The following SORCS1 variants were observed in gnomAD, a reference collection of about 807,000 sequenced individuals.
SORCS1 encodes sortilin related VPS10 domain containing receptor 1, also known as VPS10 domain-containing receptor SorCS1.
A neutral mutation model predicts 146.1 loss-of-function variants in SORCS1; 60 were observed. The ratio of observed to expected loss-of-function variants is 0.41; its 90% CI spans 0.33 to 0.51. The LOEUF (loss-of-function observed/expected upper bound fraction) is 0.51. SORCS1 is among the 20% of genes least tolerant of loss of function. The pLI is 0.21. For missense variants in SORCS1, 1,352 were observed against 1,487.6 expected (o/e 0.91, Z 1.50); for synonymous variants, 637 against 584.0 (o/e 1.09, Z -1.31).
At chr10:106,806,046 C>G (rs1379616171) in intron 3 of SORCS1, among the ~76,000 whole-genome samples, 1 of 116,064 alleles carries the variant, frequency 8.6e-6, no homozygotes, top group African/African-American at 3.5e-5. Flanking sequence ...GACGACAGAA[C>G]TAGACTCCGT....
chr10:107,111,298 GA>G (rs1965681692), intron 1 of SORCS1, among the ~76,000 whole-genome samples: 1 of 152,000 alleles, frequency 6.6e-6, no homozygotes, highest in Admixed American at 6.6e-5. Flanking sequence ...TGAAATGTAA[GA>G]AAACATAGAC....
At chr10:106,853,434 G>A (rs899879555) in intron 2 of SORCS1, among the ~76,000 whole-genome samples, 14 of 147,976 alleles carry the variant, frequency 9.5e-5, no homozygotes, top group Admixed American at 3.4e-4. Context: ...TTTTGGTTTT[G>A]TTGATTATCT....
At chr10:107,027,475 G>A (rs772243983) in intron 1 of SORCS1, among the ~76,000 whole-genome samples, 21 of 152,176 alleles carry the variant, frequency 1.4e-4, no homozygotes, top group Non-Finnish European at 1.9e-4. Context: ...GTAACTCAGC[G>A]TGGCAGCGTG....
At chr10:107,151,403 G>A (rs1373305246) in intron 1 of SORCS1, among the ~76,000 whole-genome samples, 1 of 152,160 alleles carries the variant, frequency 6.6e-6, no homozygotes, top group Non-Finnish European at 1.5e-5. Context: ...CTGAGACTGG[G>A]AAGAAAAAGA....
chr10:106,621,103 G>T (rs1170547920), intron 19 of SORCS1, among the ~76,000 whole-genome samples: 1 of 152,184 alleles, frequency 6.6e-6, no homozygotes, highest in African/African-American at 2.4e-5. Flanking sequence ...CACTGTGTTT[G>T]GGGTTGAATT....
chr10:107,066,724 G>A (rs1020569872), intron 1 of SORCS1, among the ~76,000 whole-genome samples: 1 of 152,018 alleles, frequency 6.6e-6, no homozygotes, highest in East Asian at 1.9e-4. Context: ...CTCAAAATGG[G>A]ACTGAGTTCT....
chr10:107,177,674 T>C, the SORCS1 span, among the ~76,000 whole-genome samples: 488 of 152,356 alleles, frequency 3.2e-3, 3 homozygotes, highest in Non-Finnish European at 4.9e-3. Context: ...TCTTACAATA[T>C]GTAATGATCA....
At chr10:107,085,310 T>C (rs991203803) in intron 1 of SORCS1, among the ~76,000 whole-genome samples, 1 of 152,140 alleles carries the variant, frequency 6.6e-6, no homozygotes, top group African/African-American at 2.4e-5. Flanking sequence ...CAAATAAAAA[T>C]TGGCCAGAGT....
intron 8 of SORCS1, 44 bp downstream of exon 8, chr10:106,706,501 A>C: frequency 6.3e-7 from 1 of 1,581,918 alleles, no homozygotes; most frequent in Non-Finnish European, 8.7e-7. Flanking sequence ...GGCTTCTGTG[A>C]ATGAGAGTCA....
At chr10:106,906,398 G>A (rs1951910943) in intron 2 of SORCS1, among the ~76,000 whole-genome samples, 1 of 152,220 alleles carries the variant, frequency 6.6e-6, no homozygotes, top group South Asian at 2.1e-4. Context: ...ACAGGTGTGA[G>A]CCACCGTGGC....
At chr10:107,066,336 T>C (rs1257765994) in intron 1 of SORCS1, among the ~76,000 whole-genome samples, 2 of 152,212 alleles carry the variant, frequency 1.3e-5, no homozygotes, top group African/African-American at 4.8e-5. Flanking sequence ...GGCAGAAAAC[T>C]ACTCTGTGAG....
intron 6 of SORCS1, among the ~76,000 whole-genome samples, chr10:106,714,208 G>GA (rs913337398): frequency 8.6e-5 from 12 of 140,240 alleles, no homozygotes; most frequent in Non-Finnish European, 1.5e-4. Context: ...TCTATCTAAG[G>GA]AAAAAAATCA....
At chr10:107,132,711 TCAAA>T (rs1476777752) in intron 1 of SORCS1, among the ~76,000 whole-genome samples, 2 of 152,324 alleles carry the variant, frequency 1.3e-5, no homozygotes, top group East Asian at 1.9e-4. Context: ...CTAGTTCCAT[TCAAA>T]CAATCGATGT....
At chr10:107,158,118 C>G (rs561647379) in intron 1 of SORCS1, among the ~76,000 whole-genome samples, 1 of 152,292 alleles carries the variant, frequency 6.6e-6, no homozygotes, top group Admixed American at 6.5e-5. Flanking sequence ...TGTGAAAACT[C>G]TGTGTGGAAA....
chr10:106,796,800 T>G (rs1946580283), intron 3 of SORCS1, among the ~76,000 whole-genome samples: 1 of 152,136 alleles, frequency 6.6e-6, no homozygotes, highest in Non-Finnish European at 1.5e-5. Context: ...AAACCAAAAG[T>G]AAATCTTACC....
intron 10 of SORCS1, among the ~76,000 whole-genome samples, chr10:106,684,957 C>T (rs1470088483): frequency 6.6e-6 from 1 of 152,186 alleles, no homozygotes; most frequent in Non-Finnish European, 1.5e-5. Flanking sequence ...TTCCCCTTCT[C>T]ACCTGCAGCC....
At chr10:107,072,320 A>G (rs947125858) in intron 1 of SORCS1, among the ~76,000 whole-genome samples, 3 of 152,150 alleles carry the variant, frequency 2.0e-5, no homozygotes, top group Non-Finnish European at 2.9e-5. Context: ...GCTAATAATA[A>G]CTGGCACGCA....
chr10:107,150,336 G>A (rs924884210), intron 1 of SORCS1, among the ~76,000 whole-genome samples: 6 of 152,256 alleles, frequency 3.9e-5, no homozygotes, highest in Admixed American at 2.6e-4. Flanking sequence ...ACATCAGTCC[G>A]ACTTCCAAAA....
At chr10:107,121,380 G>A (rs1449536201) in intron 1 of SORCS1, among the ~76,000 whole-genome samples, 1 of 152,204 alleles carries the variant, frequency 6.6e-6, no homozygotes, top group Non-Finnish European at 1.5e-5. Flanking sequence ...CTGGTTACAT[G>A]AGCAGAAGAA....
Sources: allele counts gnomAD v4.1 joint callset (sites outside exome capture counted in the v4.1 genomes callset), GRCh38; gene constraint gnomAD v4.1.1; transcripts MANE v1.5; gene names NCBI Gene and HGNC (gene_info 2026-07-23, HGNC 2026-07-21).